The following FIG4 variants were observed in gnomAD, a reference collection of about 807,000 sequenced individuals.
FIG4 encodes FIG4 phosphoinositide 5-phosphatase.
Under a neutral mutation model 118.6 loss-of-function variants are expected in FIG4, and 112 were observed. That is an observed-to-expected ratio of 0.94 (90% CI 0.81 to 1.11). The LOEUF is 1.11. Ranked by LOEUF, FIG4 falls within the 50% of genes least tolerant of loss-of-function variation. FIG4 has a pLI of 0.00. For synonymous variants in FIG4, 369 were observed against 381.2 expected, an observed-to-expected ratio of 0.97 and a Z score of 0.37; for missense variants, 969 against 1,111.7, an observed-to-expected ratio of 0.87 and a Z score of 1.83.
chr6:109,749,175 A>T (rs1181799444), intron 10 of FIG4, among the ~76,000 whole-genome samples: 2 of 151,880 alleles, frequency 1.3e-5, no homozygotes, highest in Non-Finnish European at 2.9e-5. Context: ...ACAGTGAGGC[A>T]GTCAGCTTTA....
Position 109,691,328 on chromosome 6 carries a change from T to C in FIG4, c.-108T>C, listed in dbSNP as rs952462093. ...TATAGGTTTAGTGCCTAATGGGTGT[T>C]GTTCCTGGCTGGACTTGATGTCCAG... On this transcript the variant is annotated 5_prime_UTR_variant, in exon 1 of 23. Coordinates refer to ENST00000230124, the MANE Select transcript of FIG4 (RefSeq NM_014845.6). 2.3e-6 allele frequency: 2 copies of C among 885,900 alleles called. No individual in the cohort carries two copies. The highest frequency in any genetic ancestry group is 3.7e-6 in the Non-Finnish European group (2 of 540,856). The allele number at this position is 885,900 out of a possible 1,614,324, so 54.9% of individuals were successfully genotyped here. A position where few individuals can be genotyped will look rare whatever the true frequency, so the allele number is the denominator to read the frequency against.
intron 22 of FIG4, among the ~76,000 whole-genome samples, chr6:109,823,581 C>T (rs1233582632): frequency 6.6e-6 from 1 of 152,094 alleles, no homozygotes; most frequent in Non-Finnish European, 1.5e-5. Flanking sequence ...TACTGTACAA[C>T]TTCCATCTTC....
intron 1 of FIG4, among the ~76,000 whole-genome samples, chr6:109,713,507 G>T (rs1005682741): frequency 6.6e-6 from 1 of 152,192 alleles, no homozygotes; most frequent in Admixed American, 6.5e-5. Flanking sequence ...TGGCACAGGG[G>T]TGGGATGAGG....
intron 22 of FIG4, among the ~76,000 whole-genome samples, chr6:109,804,583 G>A (rs1778513798): frequency 6.6e-6 from 1 of 151,994 alleles, no homozygotes; most frequent in Admixed American, 6.6e-5. Context: ...AGTCCAAATT[G>A]TGTTTAAAAT....
At chr6:109,767,791 G>C (rs1777326148) in intron 15 of FIG4, among the ~76,000 whole-genome samples, 1 of 152,090 alleles carries the variant, frequency 6.6e-6, no homozygotes, top group African/African-American at 2.4e-5. Flanking sequence ...AGAATGGTGT[G>C]AACTCCGGAG....
chr6:109,726,327 G>A (rs1017911406), intron 3 of FIG4, among the ~76,000 whole-genome samples: 1 of 152,184 alleles, frequency 6.6e-6, no homozygotes, highest in Admixed American at 6.5e-5. Context: ...TAGCTAGCTG[G>A]TTTTCCCAGC....
intron 22 of FIG4, among the ~76,000 whole-genome samples, chr6:109,805,788 G>GT (rs894650124): frequency 4.0e-5 from 6 of 151,884 alleles, no homozygotes; most frequent in Admixed American, 2.0e-4. Flanking sequence ...AAATGTATTA[G>GT]TTTTTTTTAC....
intron 10 of FIG4, among the ~76,000 whole-genome samples, chr6:109,755,552 T>A (rs1776862599): frequency 6.6e-6 from 1 of 152,162 alleles, no homozygotes; most frequent in East Asian, 1.9e-4. Context: ...AAGTTTCCCA[T>A]TATTATTGTG....
At chr6:109,822,131 G>T (rs908112418) in intron 22 of FIG4, among the ~76,000 whole-genome samples, 30 of 152,184 alleles carry the variant, frequency 2.0e-4, no homozygotes, top group Non-Finnish European at 5.9e-5. Flanking sequence ...GAATCTAGGG[G>T]TGCACATTTG....
At chr6:109,761,985 A>T in intron 11 of FIG4, 106 bp from the exon 12 acceptor site, 1 of 721,992 alleles carries the variant, frequency 1.4e-6, no homozygotes, top group Non-Finnish European at 2.5e-6. Flanking sequence ...TTTAAAAATT[A>T]CATCTTTAAG....
chr6:109,789,790 C>T (rs1778087324), intron 19 of FIG4, 113 bp downstream of exon 19: 1 of 739,830 alleles, frequency 1.4e-6, no homozygotes, highest in South Asian at 1.5e-5. Flanking sequence ...TTATTAATAA[C>T]ACTGGGATCA....
chr6:109,747,657 G>T, intron 10 of FIG4, among the ~76,000 whole-genome samples: 1 of 152,086 alleles, frequency 6.6e-6, no homozygotes, highest in Non-Finnish European at 1.5e-5. Flanking sequence ...ATATCGATAT[G>T]TTTAAAAGCC....
chr6:109,743,457 A>G, intron 9 of FIG4, 185 bp downstream of exon 9: 4 of 670,052 alleles, frequency 6.0e-6, no homozygotes, highest in Non-Finnish European at 1.0e-5. Context: ...TGACTGTTAA[A>G]TAAATTATTT....
chr6:109,755,148 G>A lies in FIG4; in HGVS notation c.1138-5102G>A, dbSNP rs570927408. Among the ~76,000 whole-genome samples, 475 of 150,636 alleles carry A rather than the reference G, an allele frequency of 3.2e-3. 5 individuals are homozygous for A. The highest frequency in any genetic ancestry group is 6.1e-3 in the Admixed American group (92 of 15,094). On this transcript the variant is annotated intron_variant, in intron 10 of 22. Coordinates refer to ENST00000230124, the MANE Select transcript of FIG4 (RefSeq NM_014845.6). ...TCTGGTATGTTGTGTCTTTGTTCTC[G>A]TTGGTTTCAAAGAACATCTTTATTT... is the stretch of plus-strand genomic sequence containing the variant.
intron 22 of FIG4, among the ~76,000 whole-genome samples, chr6:109,797,586 A>G (rs1189031876): frequency 6.6e-6 from 1 of 152,052 alleles, no homozygotes; most frequent in Non-Finnish European, 1.5e-5. Context: ...TGCTCAGTTG[A>G]GTTGCTTCCA....
At chr6:109,775,518 A>G in intron 15 of FIG4, among the ~76,000 whole-genome samples, 1 of 152,180 alleles carries the variant, frequency 6.6e-6, no homozygotes, top group Non-Finnish European at 1.5e-5. Flanking sequence ...TTATATTAAG[A>G]TATTTTGAGG....
At chr6:109,809,124 A>T (rs1306708647) in intron 22 of FIG4, among the ~76,000 whole-genome samples, 1 of 152,250 alleles carries the variant, frequency 6.6e-6, no homozygotes, top group Non-Finnish European at 1.5e-5. Flanking sequence ...ATCAAATAAA[A>T]ATATTTGAAG....
rs1343331826 is a variant in FIG4 at position 109,795,595 on chromosome 6, C to T, written c.2460-1170C>T. On this transcript the variant is annotated intron_variant, in intron 21 of 22. Coordinates refer to ENST00000230124, the MANE Select transcript of FIG4 (RefSeq NM_014845.6). ...GAAATCTGTTCTTTTGGTTTCAGTC[C>T]TTTTTTTTTTTTTTTTTTTTTTTTT... Among the ~76,000 whole-genome samples the T allele has an allele frequency of 1.7e-3, 116 of 69,524 alleles. 1 individual carries two copies. Among genetic ancestry groups the T allele is most frequent in the South Asian group, 2.1e-3 (4 of 1,862 alleles). The allele number at this position is 69,524 out of a possible 152,430, so 45.6% of individuals were successfully genotyped here.
At chr6:109,696,701 A>G (rs1049150833) in intron 1 of FIG4, among the ~76,000 whole-genome samples, 22 of 152,304 alleles carry the variant, frequency 1.4e-4, no homozygotes, top group African/African-American at 4.6e-4. Context: ...AGCTTATAGA[A>G]GCAGAGAGTA....
Sources: gnomAD v4.1 joint callset for allele counts (sites outside exome capture counted in the v4.1 genomes callset) on GRCh38, gnomAD v4.1.1 for gene constraint, MANE v1.5 for transcripts, NCBI Gene and HGNC (gene_info 2026-07-23, HGNC 2026-07-21) for gene names.